Variants in CACNA1C observed in about 807,000 individuals in gnomAD.
CACNA1C encodes calcium voltage-gated channel subunit alpha1 C.
In CACNA1C, 30 loss-of-function variants were observed where a neutral mutation model predicts 229.0. The ratio of observed to expected loss-of-function variants is 0.13; its 90% CI spans 0.10 to 0.18. CACNA1C has a LOEUF of 0.18. Ranked by LOEUF, CACNA1C falls within the 10% of genes least tolerant of loss-of-function variation. The pLI is 1.00. For missense variants in CACNA1C, 1,658 were observed against 2,845.0 expected (o/e 0.58, Z 9.49); for synonymous variants, 1,114 against 1,132.5 (o/e 0.98, Z 0.33).
At chr12:2,412,772 G>T (rs770545911) in intron 3 of CACNA1C, among the ~76,000 whole-genome samples, 1 of 152,158 alleles carries the variant, frequency 6.6e-6, no homozygotes, top group Non-Finnish European at 1.5e-5. Context: ...GGAGGAAGGG[G>T]CTATGCTGGA....
chr12:2,339,811 G>A (rs1011926010), intron 3 of CACNA1C, among the ~76,000 whole-genome samples: 1 of 152,140 alleles, frequency 6.6e-6, no homozygotes, highest in African/African-American at 2.4e-5. Flanking sequence ...GCACGTGACT[G>A]TCGTACATAG....
chr12:1,976,396 G>C (rs1258838026), intron 1 of CACNA1C, among the ~76,000 whole-genome samples: 5 of 152,172 alleles, frequency 3.3e-5, no homozygotes, highest in South Asian at 4.2e-4. Context: ...TTAAATGCAG[G>C]CTTAAAAGGA....
intron 42 of CACNA1C, chr12:2,682,132 G>A (rs2097179236): frequency 1.2e-6 from 1 of 848,308 alleles, no homozygotes; most frequent in Admixed American, 2.1e-5. Context: ...AGAGGCCAAG[G>A]ACTTCTCAGC....
At position 2,054,861 on chromosome 12, in the gene CACNA1C, G is replaced by T; in HGVS notation, c.49+1250G>T. On this transcript the variant is annotated intron_variant, in intron 1 of 46. Transcript: ENST00000399655. This position sits in a 1 kb window ranked among gnomAD's most constrained non-coding sequence, Gnocchi z 5.5. ...GGGTTCTTCCCAGTGATCCTCTGAAGACCAGCCTGGTGGAAGGAGTTGTCT... is the reference window on the plus strand; with the variant it reads ...GGGTTCTTCCCAGTGATCCTCTGAATACCAGCCTGGTGGAAGGAGTTGTCT... Among the ~76,000 whole-genome samples the T allele has an allele frequency of 6.6e-6, 1 of 152,150 alleles. No individual in the cohort carries two copies. Among genetic ancestry groups the T allele is most frequent in the East Asian group, 1.9e-4 (1 of 5,194 alleles).
chr12:2,007,969 AAC>A (rs1491095966), intron 1 of CACNA1C, among the ~76,000 whole-genome samples: 6 of 152,258 alleles, frequency 3.9e-5, no homozygotes, highest in Non-Finnish European at 8.8e-5. Context: ...TCTAAAAAAA[AAC>A]AGTCATTGTA....
intron 43 of CACNA1C, 63 bp from the exon 44 acceptor site, chr12:2,685,673 C>G: frequency 8.2e-7 from 1 of 1,222,136 alleles, no homozygotes; most frequent in Non-Finnish European, 1.2e-6. Context: ...GGGGGTGCAG[C>G]TGTCCCTGTG....
chr12:1,992,304 C>T (rs1477294622), intron 1 of CACNA1C: 1 of 155,006 alleles, frequency 6.5e-6, no homozygotes, highest in East Asian at 1.9e-4. Flanking sequence ...TTATATACAG[C>T]ATCATTTTAA....
intron 43 of CACNA1C, 85 bp downstream of exon 43, chr12:2,682,763 T>C: frequency 7.4e-7 from 1 of 1,356,998 alleles, no homozygotes; most frequent in Admixed American, 2.3e-5. Context: ...AGATCCCTCC[T>C]CTGGGGCTGA....
chr12:2,655,988 A>G (rs1382734277), intron 34 of CACNA1C, among the ~76,000 whole-genome samples: 2 of 152,238 alleles, frequency 1.3e-5, no homozygotes, highest in East Asian at 3.8e-4. Flanking sequence ...AGCTAACATC[A>G]TACTTAGTGG....
In CACNA1C at chr12:2,287,274, T is replaced by C. The variant is rs553708802; in HGVS notation, c.478-161702T>C. 2.6e-4 allele frequency among the ~76,000 whole-genome samples: 40 copies of C among 152,330 alleles called. No individual in the cohort carries two copies. The highest frequency in any genetic ancestry group is 9.6e-4 in the African/African-American group (40 of 41,574). ...CCCAAGGGGAGGGATCGGGCAAGTATTGAGTCATTCCTGCTCGTCTGGATT... is the reference window on the plus strand; with the variant it reads ...CCCAAGGGGAGGGATCGGGCAAGTACTGAGTCATTCCTGCTCGTCTGGATT... On this transcript the variant is annotated intron_variant, in intron 3 of 46. Transcript: ENST00000399655. The surrounding 1 kb of genome is among the most constrained non-coding windows in gnomAD (Gnocchi z 4.6).
chr12:2,185,791 G>A (rs1392163597), intron 3 of CACNA1C, among the ~76,000 whole-genome samples: 3 of 152,168 alleles, frequency 2.0e-5, no homozygotes. Context: ...TGCCCTGTCT[G>A]TGTGGCCCTG....
chr12:2,205,499 A>G (rs540950520), intron 3 of CACNA1C, among the ~76,000 whole-genome samples: 2 of 152,344 alleles, frequency 1.3e-5, no homozygotes, highest in East Asian at 1.9e-4. Flanking sequence ...CTTGGCTCCT[A>G]TAGCACTGAA....
intron 30 of CACNA1C, among the ~76,000 whole-genome samples, chr12:2,635,560 A>C (rs1202581834): frequency 6.9e-5 from 6 of 86,538 alleles, no homozygotes; most frequent in South Asian, 3.5e-4. Context: ...TCCCCTCTCC[A>C]CTCCATCTTT....
chr12:2,503,322 G>A (rs2099764776), intron 7 of CACNA1C, among the ~76,000 whole-genome samples: 1 of 152,206 alleles, frequency 6.6e-6, no homozygotes, highest in Non-Finnish European at 1.5e-5. Context: ...TGCCTTGGAA[G>A]TTTGGGTTTC....
chr12:2,235,320 C>T (rs936386179), intron 3 of CACNA1C, among the ~76,000 whole-genome samples: 3 of 152,164 alleles, frequency 2.0e-5, no homozygotes, highest in African/African-American at 7.2e-5. Flanking sequence ...GCTACCAAGT[C>T]AGGAAAGCCA....
intron 1 of CACNA1C, among the ~76,000 whole-genome samples, chr12:2,107,664 A>G (rs914398149): frequency 6.6e-5 from 10 of 152,262 alleles, no homozygotes; most frequent in African/African-American, 2.4e-4. Flanking sequence ...CTGAAAAAGG[A>G]CTTTTGGTTT....
chr12:2,014,613 C>T (rs1194347098), intron 1 of CACNA1C, among the ~76,000 whole-genome samples: 1 of 152,152 alleles, frequency 6.6e-6, no homozygotes, highest in Non-Finnish European at 1.5e-5. Context: ...GTTTGGGATG[C>T]TATGGGAGCA....
intron 5 of CACNA1C, among the ~76,000 whole-genome samples, chr12:2,482,715 C>T (rs563358408): frequency 2.4e-4 from 37 of 152,300 alleles, no homozygotes; most frequent in South Asian, 2.1e-3. Context: ...ATCACTACCT[C>T]TTAAAGCACC....
At chr12:2,100,582 C>CAAAA (rs71441677) in intron 1 of CACNA1C, among the ~76,000 whole-genome samples, 1 of 66,462 alleles carries the variant, frequency 1.5e-5, no homozygotes, top group Non-Finnish European at 3.1e-5. Context: ...CTGTTTCTAC[C>CAAAA]AAAAAAAAAA....
Sources: gnomAD v4.1 joint callset for allele counts (sites outside exome capture counted in the v4.1 genomes callset) on GRCh38, gnomAD v4.1.1 for gene constraint, Gnocchi (gnomAD v3.1) non-coding constraint, MANE v1.5 for transcripts, NCBI Gene and HGNC (gene_info 2026-07-23, HGNC 2026-07-21) for gene names.